Variants in KIF16B observed in about 807,000 individuals in gnomAD.
KIF16B encodes kinesin family member 16B.
A neutral mutation model predicts 156.3 loss-of-function variants in KIF16B; 98 were observed. That is an observed-to-expected ratio of 0.63 (90% CI 0.53 to 0.74). KIF16B has a LOEUF of 0.74. Among genes scored for constraint, KIF16B ranks in the 30% least tolerant of loss-of-function variants. KIF16B has a pLI of 0.00. For missense variants in KIF16B, 1,421 were observed against 1,606.5 expected (o/e 0.88, Z 1.97); for synonymous variants, 564 against 583.7 (o/e 0.97, Z 0.49).
Position 16,537,666 on chromosome 20 carries a change from T to C in KIF16B, c.48-9226A>G, listed in dbSNP as rs2070024991. The stretch of plus-strand genomic sequence containing the variant: ...CCACATACTAAAGTATCTTCCCACT[T>C]CCCACCCACATGTTCTTTTTCTTTT... On this transcript the variant is annotated intron_variant, in intron 1 of 25. Coordinates refer to ENST00000354981, the MANE Select transcript of KIF16B (RefSeq NM_024704.5). Among the ~76,000 whole-genome samples, 3 of 151,056 alleles carry C rather than the reference T, an allele frequency of 2.0e-5. No individual in the cohort carries two copies. In the South Asian group the frequency reaches 6.3e-4, roughly 32 times the overall value.
chr20:16,476,083 C>CA (rs1475237586), intron 12 of KIF16B, among the ~76,000 whole-genome samples: 1 of 152,208 alleles, frequency 6.6e-6, no homozygotes, highest in African/African-American at 2.4e-5. Flanking sequence ...GTCACGTCTT[C>CA]AGACAACTCC....
chr20:16,338,143 C>T (rs1027735649), intron 23 of KIF16B, among the ~76,000 whole-genome samples: 1 of 152,126 alleles, frequency 6.6e-6, no homozygotes, highest in East Asian at 1.9e-4. Flanking sequence ...TGGAACATCC[C>T]TTTCATCTTT....
At chr20:16,487,884 T>C (rs1189643002) in intron 12 of KIF16B, among the ~76,000 whole-genome samples, 1 of 152,170 alleles carries the variant, frequency 6.6e-6, no homozygotes, top group African/African-American at 2.4e-5. Context: ...ATCCTCCAAA[T>C]TCAGTTTTCG....
At chr20:16,382,309 C>T (rs2065117681) in intron 17 of KIF16B, among the ~76,000 whole-genome samples, 1 of 152,168 alleles carries the variant, frequency 6.6e-6, no homozygotes, top group African/African-American at 2.4e-5. Flanking sequence ...TTTCATGAAA[C>T]AAACACTCCA....
intron 1 of KIF16B, among the ~76,000 whole-genome samples, chr20:16,529,216 C>T (rs1290547974): frequency 6.6e-6 from 1 of 152,152 alleles, no homozygotes; most frequent in Middle Eastern, 3.2e-3. Flanking sequence ...GGATTTGGGG[C>T]AGACAAGGGA....
chr20:16,569,768 G>A (rs1002828532), intron 1 of KIF16B, among the ~76,000 whole-genome samples: 1 of 152,088 alleles, frequency 6.6e-6, no homozygotes, highest in African/African-American at 2.4e-5. Context: ...GAATTTTGTA[G>A]GTGACTTTTT....
chr20:16,368,526 C>G (rs2064735499), intron 22 of KIF16B: 1 of 985,942 alleles, frequency 1.0e-6, no homozygotes, highest in South Asian at 4.7e-5. Flanking sequence ...CTTGGCTGAT[C>G]ACCTTTGTGC....
chr20:16,396,492 G>T (rs1190822542), intron 17 of KIF16B, among the ~76,000 whole-genome samples: 2 of 151,684 alleles, frequency 1.3e-5, no homozygotes, highest in African/African-American at 2.4e-5. Flanking sequence ...CTTGGTAAAA[G>T]ATATAAAATA....
At chr20:16,367,500 T>C (rs751238171) in intron 22 of KIF16B, 1 of 1,612,864 alleles carries the variant, frequency 6.2e-7, no homozygotes, top group South Asian at 1.1e-5. Context: ...CCTTCACCAG[T>C]GCAATGTGGG....
At chr20:16,389,713 C>T (rs1181109103) in intron 17 of KIF16B, among the ~76,000 whole-genome samples, 1 of 152,142 alleles carries the variant, frequency 6.6e-6, no homozygotes, top group Non-Finnish European at 1.5e-5. Flanking sequence ...TCTTCCTAGC[C>T]TTGTGAACCT....
At chr20:16,523,600 C>T (rs1371137383) in intron 3 of KIF16B, among the ~76,000 whole-genome samples, 1 of 152,062 alleles carries the variant, frequency 6.6e-6, no homozygotes, top group East Asian at 1.9e-4. Context: ...TGAAAATGGC[C>T]ATACTGCCCA....
chr20:16,362,864 T>C (rs1484079102), intron 22 of KIF16B, among the ~76,000 whole-genome samples: 1 of 152,180 alleles, frequency 6.6e-6, no homozygotes, highest in Admixed American at 6.5e-5. Flanking sequence ...TATAACCCAC[T>C]ACACCTTCAG....
chr20:16,532,239 A>G (rs1446036040), intron 1 of KIF16B, among the ~76,000 whole-genome samples: 2 of 152,224 alleles, frequency 1.3e-5, no homozygotes, highest in Non-Finnish European at 2.9e-5. Context: ...ATGATATGTT[A>G]CCTGGGATTT....
chr20:16,360,696 T>C (rs1030116002), intron 22 of KIF16B, among the ~76,000 whole-genome samples: 18 of 152,376 alleles, frequency 1.2e-4, no homozygotes, highest in African/African-American at 3.6e-4. Context: ...TAGCTTTTAA[T>C]GAAATAATGC....
intron 12 of KIF16B, among the ~76,000 whole-genome samples, chr20:16,469,975 C>T (rs2067614129): frequency 1.3e-5 from 2 of 152,008 alleles, no homozygotes; most frequent in African/African-American, 2.4e-5. Flanking sequence ...AAGGGTGGCA[C>T]ATCCAAACAA....
At chr20:16,377,975 A>C (rs2064994043) in intron 19 of KIF16B, among the ~76,000 whole-genome samples, 1 of 152,168 alleles carries the variant, frequency 6.6e-6, no homozygotes. Context: ...ACATGTTCTA[A>C]TATCCCACTG....
At chr20:16,294,509 C>T (rs1162180235) in intron 25 of KIF16B, among the ~76,000 whole-genome samples, 3 of 152,204 alleles carry the variant, frequency 2.0e-5, no homozygotes, top group Non-Finnish European at 4.4e-5. Context: ...GCTTCTGAAT[C>T]GTTCCCATGC....
At chr20:16,322,011 C>A (rs1210436046) in intron 24 of KIF16B, among the ~76,000 whole-genome samples, 1 of 151,926 alleles carries the variant, frequency 6.6e-6, no homozygotes, top group Non-Finnish European at 1.5e-5. Flanking sequence ...AGCCCTATGG[C>A]CTACTTTGTC....
At chr20:16,543,785 GGAA>G (rs1328720828) in intron 1 of KIF16B, among the ~76,000 whole-genome samples, 3 of 152,270 alleles carry the variant, frequency 2.0e-5, no homozygotes, top group African/African-American at 7.2e-5. Context: ...AGATGGACTT[GGAA>G]GAAGGAGACT....
Sources: gnomAD v4.1 joint callset for allele counts (sites outside exome capture counted in the v4.1 genomes callset) on GRCh38, gnomAD v4.1.1 for gene constraint, MANE v1.5 for transcripts, NCBI Gene and HGNC (gene_info 2026-07-23, HGNC 2026-07-21) for gene names.